The following ZNF385B variants were observed in gnomAD, a reference collection of about 807,000 sequenced individuals.
ZNF385B encodes the protein zinc finger protein 385B.
Under a neutral mutation model 39.2 loss-of-function variants are expected in ZNF385B, and 23 were observed. The ratio of observed to expected loss-of-function variants is 0.59; its 90% CI spans 0.42 to 0.83. The LOEUF (loss-of-function observed/expected upper bound fraction) is 0.83. Ranked by LOEUF, ZNF385B falls within the 40% of genes least tolerant of loss-of-function variation. ZNF385B has a pLI of 0.00. For synonymous variants in ZNF385B, 205 were observed against 222.6 expected, an observed-to-expected ratio of 0.92 and a Z score of 0.70; for missense variants, 552 against 598.9, an observed-to-expected ratio of 0.92 and a Z score of 0.82.
At chr2:179,806,253 T>C (rs1403662972) in intron 1 of ZNF385B, among the ~76,000 whole-genome samples, 1 of 152,166 alleles carries the variant, frequency 6.6e-6, no homozygotes, top group Non-Finnish European at 1.5e-5. Flanking sequence ...TACAAGATGA[T>C]AAACAAGCTA....
chr2:179,489,235 T>C (rs2054941054), intron 5 of ZNF385B, among the ~76,000 whole-genome samples: 1 of 152,174 alleles, frequency 6.6e-6, no homozygotes, highest in African/African-American at 2.4e-5. Context: ...CAGTGTTTCC[T>C]GGGCACATAC....
At chr2:179,514,693 G>T (rs1185220039) in intron 5 of ZNF385B, among the ~76,000 whole-genome samples, 3 of 151,502 alleles carry the variant, frequency 2.0e-5, no homozygotes, top group Non-Finnish European at 4.4e-5. Flanking sequence ...ATAAAGATAT[G>T]CAAAAAAATT....
At chr2:179,622,455 A>G (rs1690296587) in intron 3 of ZNF385B, among the ~76,000 whole-genome samples, 1 of 152,114 alleles carries the variant, frequency 6.6e-6, no homozygotes, top group Non-Finnish European at 1.5e-5. Context: ...CCTAAGAAAA[A>G]TCTTCCTGGA....
chr2:179,601,096 A>T (rs1395721203), intron 3 of ZNF385B, among the ~76,000 whole-genome samples: 2 of 152,350 alleles, frequency 1.3e-5, no homozygotes, highest in Admixed American at 1.3e-4. Flanking sequence ...CCCAGTCAGC[A>T]TCATTTTCTT....
In ZNF385B at chr2:179,502,039, C is replaced by T. The variant is rs1287955234; in HGVS notation, c.552+16489G>A. On this transcript the variant is annotated intron_variant, in intron 5 of 9. Transcript: ENST00000410066. ...TCATTATACAAAATTGGCATTAGAT[C>T]CTGACTGCCCTGCTGGGTTTTGGAC... 4.6e-5 allele frequency among the ~76,000 whole-genome samples: 7 copies of T among 152,274 alleles called. No individual in the cohort carries two copies. In the East Asian group the frequency reaches 1.2e-3, roughly 25 times the overall value.
At chr2:179,633,029 A>G (rs1267656215) in intron 3 of ZNF385B, among the ~76,000 whole-genome samples, 1 of 152,184 alleles carries the variant, frequency 6.6e-6, no homozygotes, top group African/African-American at 2.4e-5. Flanking sequence ...TGAATAGACC[A>G]ATAACAGGCT....
chr2:179,496,947 G>A (rs2056281880), intron 5 of ZNF385B, among the ~76,000 whole-genome samples: 1 of 152,162 alleles, frequency 6.6e-6, no homozygotes, highest in Admixed American at 6.5e-5. Flanking sequence ...TACTTGAGAG[G>A]CTGAGGCTCA....
rs1176284162 is a variant in ZNF385B at position 179,703,709 on chromosome 2, CAT to C, written c.298+65792_298+65793del. ...AATGAGAAATAAGGAATAAAATACACATGTGTGCATGCATTCATTGCCTTTCT... is the reference window on the plus strand; with the variant it reads ...AATGAGAAATAAGGAATAAAATACACGTGTGCATGCATTCATTGCCTTTCT... On this transcript the variant is annotated intron_variant, in intron 3 of 9. Transcript: ENST00000410066. Among the ~76,000 whole-genome samples the C allele has an allele frequency of 3.3e-5, 5 of 152,352 alleles. No individual in the cohort carries two copies. In the East Asian group the frequency reaches 7.7e-4, roughly 23 times the overall value.
chr2:179,632,355 C>A (rs1017656298), intron 3 of ZNF385B, among the ~76,000 whole-genome samples: 2 of 152,216 alleles, frequency 1.3e-5, no homozygotes, highest in Non-Finnish European at 2.9e-5. Flanking sequence ...AACTGTCTCT[C>A]AGACCACAGT....
At chr2:179,831,721 T>C (rs1028559246) in intron 1 of ZNF385B, among the ~76,000 whole-genome samples, 5 of 152,124 alleles carry the variant, frequency 3.3e-5, no homozygotes, top group Admixed American at 6.5e-5. Flanking sequence ...AGTTCAGCAG[T>C]AGCAAGTACT....
intron 3 of ZNF385B, among the ~76,000 whole-genome samples, chr2:179,648,152 G>A (rs1261353056): frequency 6.6e-6 from 1 of 152,052 alleles, no homozygotes; most frequent in African/African-American, 2.4e-5. Flanking sequence ...GGGTATTGGT[G>A]CATGGGTGGA....
chr2:179,715,013 T>C (rs979445223), intron 3 of ZNF385B, among the ~76,000 whole-genome samples: 1 of 149,048 alleles, frequency 6.7e-6, no homozygotes, highest in African/African-American at 2.5e-5. Flanking sequence ...GTCTCCCATA[T>C]CTGTCAAAAA....
chr2:179,468,387 C>T (rs1291977696), intron 6 of ZNF385B, among the ~76,000 whole-genome samples: 1 of 152,148 alleles, frequency 6.6e-6, no homozygotes, highest in African/African-American at 2.4e-5. Flanking sequence ...AAAACTGCCC[C>T]TTTTCCAATT....
chr2:179,570,062 G>C (rs139485683), intron 3 of ZNF385B, among the ~76,000 whole-genome samples: 22 of 152,244 alleles, frequency 1.4e-4, no homozygotes, highest in African/African-American at 5.3e-4. Context: ...ACACTTCTCT[G>C]CTCCTCAGCT....
intron 3 of ZNF385B, among the ~76,000 whole-genome samples, chr2:179,569,308 T>G (rs1051351785): frequency 6.6e-6 from 1 of 152,146 alleles, no homozygotes; most frequent in Non-Finnish European, 1.5e-5. Context: ...ACAAGAAAAA[T>G]TGCTTATCAG....
Position 179,600,829 on chromosome 2 carries a change from A to G in ZNF385B, c.299-55860T>C, listed in dbSNP as rs1688353104. Among the ~76,000 whole-genome samples the G allele has an allele frequency of 2.6e-5, 4 of 152,184 alleles. No homozygotes were observed. In the South Asian group the frequency reaches 6.2e-4, roughly 24 times the overall value. On this transcript the variant is annotated intron_variant, in intron 3 of 9. Transcript: ENST00000410066. The stretch of plus-strand genomic sequence containing the variant: ...TTTCTTCCTCCATTACAGAGTGCCT[A>G]AAGAAAGTTCCCAGAATTATATTAC...
intron 7 of ZNF385B, 83 bp downstream of exon 7, chr2:179,446,442 G>C (rs958990306): frequency 1.3e-6 from 2 of 1,520,408 alleles, no homozygotes; most frequent in Non-Finnish European, 1.8e-6. Flanking sequence ...CCTAAGGTCT[G>C]AACAACAAAA....
chr2:179,836,897 A>G (rs1254800878), intron 1 of ZNF385B, among the ~76,000 whole-genome samples: 1 of 152,230 alleles, frequency 6.6e-6, no homozygotes, highest in Non-Finnish European at 1.5e-5. Flanking sequence ...AACAATAAAT[A>G]AATGAGGGAA....
chr2:179,570,518 A>G (rs749770175), intron 3 of ZNF385B, among the ~76,000 whole-genome samples: 22 of 152,296 alleles, frequency 1.4e-4, no homozygotes, highest in Non-Finnish European at 2.6e-4. Flanking sequence ...ATCAGAAATA[A>G]TATCTGTCTT....
Sources: gnomAD v4.1 joint callset for allele counts (sites outside exome capture counted in the v4.1 genomes callset) on GRCh38, gnomAD v4.1.1 for gene constraint, MANE v1.5 for transcripts, NCBI Gene and HGNC (gene_info 2026-07-23, HGNC 2026-07-21) for gene names.